TMEM72: variants seen among roughly 807,000 people sequenced by gnomAD.
TMEM72 encodes the protein kidney-specific secretory protein of 37 kDa.
A neutral mutation model predicts 16.3 loss-of-function variants in TMEM72; 9 were observed. The observed-to-expected ratio is 0.55, with a 90% CI of 0.33 to 0.96. TMEM72 has a LOEUF of 0.96. TMEM72 is among the 40% of genes least tolerant of loss of function. The probability of loss-of-function intolerance (pLI) is 0.03; values close to 1 mark genes in which losing one functional copy is unlikely to be tolerated. For missense variants in TMEM72, 324 were observed against 337.8 expected (o/e 0.96, Z 0.32); for synonymous variants, 160 against 146.5 (o/e 1.09, Z -0.66).
chr10:44,913,452 GCACACACACA>G (rs35296531), intron 1 of TMEM72, among the ~76,000 whole-genome samples: 1 of 148,788 alleles, frequency 6.7e-6, no homozygotes, highest in Non-Finnish European at 1.5e-5. Context: ...CCATGTGCAC[GCACACACACA>G]CACACACACA....
intron 1 of TMEM72, among the ~76,000 whole-genome samples, chr10:44,920,747 A>G (rs1840082952): frequency 1.3e-5 from 2 of 152,212 alleles, no homozygotes; most frequent in African/African-American, 4.8e-5. Flanking sequence ...ACTCTCATTT[A>G]CTTAGACTGA....
intron 1 of TMEM72, among the ~76,000 whole-genome samples, chr10:44,917,274 C>T (rs1332313520): frequency 6.6e-6 from 1 of 152,134 alleles, no homozygotes; most frequent in African/African-American, 2.4e-5. Context: ...CACATAGATT[C>T]TCACTCAGCA....
intron 1 of TMEM72, among the ~76,000 whole-genome samples, chr10:44,921,436 C>T (rs759467859): frequency 1.3e-5 from 2 of 152,132 alleles, no homozygotes; most frequent in East Asian, 1.9e-4. Flanking sequence ...ACAGCACAGC[C>T]GGACTGAAGC....
Position 44,935,050 on chromosome 10 carries a change from G to C in TMEM72, c.744G>C (p.Glu248Asp), listed in dbSNP as rs920366417. Residue 248 changes from glutamate to aspartate, a missense_variant, in exon 5 of 5, where the codon GAG becomes GAC. Glu to Asp is a conservative substitution (Grantham distance 45). Coordinates refer to ENST00000389583, the MANE Select transcript of TMEM72 (RefSeq NM_001123376.3). Reference protein sequence around the residue: ...GLDDGDSEPEETTSDTTPIIP... With the variant: ...GLDDGDSEPEDTTSDTTPIIP... ...ATGATGGGGACAGTGAGCCAGAGGA[G>C]ACCACCTCTGACACGACACCCATCA... 6 of 1,613,786 alleles carry C rather than the reference G, an allele frequency of 3.7e-6. No individual in the cohort carries two copies. In the African/African-American group the frequency reaches 8.0e-5, roughly 22 times the overall value.
chr10:44,934,696 G>C lies in TMEM72; in HGVS notation c.390G>C (p.Leu130=), dbSNP rs1279576923. The change falls in exon 5 of 5, where the codon CTG becomes CTC. Residue 130 remains leucine, a synonymous_variant. Coordinates refer to ENST00000389583, the MANE Select transcript of TMEM72 (RefSeq NM_001123376.3). ...LIITGLAYFL[L]SKRKKRKAAP... is the part of the protein sequence containing the mutation. Reference sequence around the variant, plus strand: ...TCACCGGCCTGGCCTACTTCCTTCTGAGCAAGCGGAAGAAGAGGAAAGCTG... The same window carrying C: ...TCACCGGCCTGGCCTACTTCCTTCTCAGCAAGCGGAAGAAGAGGAAAGCTG... 2 of 1,606,466 alleles carry C rather than the reference G, an allele frequency of 1.2e-6. No homozygotes were observed. Among genetic ancestry groups the C allele is most frequent in the African/African-American group, 2.7e-5 (2 of 74,486 alleles).
chr10:44,918,116 A>G (rs928246272), intron 1 of TMEM72, among the ~76,000 whole-genome samples: 8 of 152,090 alleles, frequency 5.3e-5, no homozygotes, highest in Admixed American at 3.3e-4. Context: ...TTTTAAAACC[A>G]TCAGATCTCT....
At chr10:44,916,227 G>A (rs1056845827) in intron 1 of TMEM72, among the ~76,000 whole-genome samples, 1 of 152,152 alleles carries the variant, frequency 6.6e-6, no homozygotes, top group African/African-American at 2.4e-5. Context: ...AGTGAACTCT[G>A]CTTGTCAGGC....
intron 4 of TMEM72, 116 bp from the exon 5 acceptor site, chr10:44,934,540 C>T (rs556656476): frequency 1.9e-5 from 20 of 1,029,110 alleles, no homozygotes; most frequent in East Asian, 2.5e-5. Flanking sequence ...GCCACAGGGG[C>T]CTGTGAATGG....
intron 4 of TMEM72, among the ~76,000 whole-genome samples, chr10:44,934,338 C>T (rs1191165922): frequency 1.3e-5 from 2 of 152,232 alleles, no homozygotes; most frequent in Non-Finnish European, 2.9e-5. Flanking sequence ...CTCCTCTCTG[C>T]TCCCTATCTG....
chr10:44,916,756 C>G (rs1320075334), intron 1 of TMEM72, among the ~76,000 whole-genome samples: 1 of 152,114 alleles, frequency 6.6e-6, no homozygotes, highest in Non-Finnish European at 1.5e-5. Flanking sequence ...TCCCTCTGTT[C>G]CCCCCACCTA....
intron 1 of TMEM72, among the ~76,000 whole-genome samples, chr10:44,913,528 C>T (rs551104247): frequency 4.6e-5 from 7 of 152,254 alleles, no homozygotes; most frequent in South Asian, 4.1e-4. Context: ...CCTTTATCTC[C>T]GCACAGGGAC....
In TMEM72 at chr10:44,935,591, C is replaced by G. The variant is rs1362380925; in HGVS notation, c.*457C>G. ...AGGGAAGTGTCAGTAACTTAAGCAT[C>G]TCTAAGGCAGAGAAGGTGGCTGTGG... is the stretch of plus-strand genomic sequence containing the variant. On this transcript the variant is annotated 3_prime_UTR_variant, in exon 5 of 5. Coordinates refer to ENST00000389583, the MANE Select transcript of TMEM72 (RefSeq NM_001123376.3). The G allele has an allele frequency of 6.4e-6, 1 of 155,630 alleles. No individual in the cohort carries two copies. Among genetic ancestry groups the G allele is most frequent in the Admixed American group, 6.5e-5 (1 of 15,386 alleles). 9.6% of individuals were successfully genotyped at this position (155,630 alleles called of 1,614,324 possible). A position where few individuals can be genotyped will look rare whatever the true frequency, so the allele number is the denominator to read the frequency against.
intron 2 of TMEM72, among the ~76,000 whole-genome samples, chr10:44,929,686 C>T (rs902937974): frequency 1.3e-5 from 2 of 152,264 alleles, no homozygotes; most frequent in African/African-American, 4.8e-5. Context: ...TGGTCCACAC[C>T]CTGTGCCATA....
rs1438273514 is a variant in TMEM72 at position 44,935,088 on chromosome 10, A to G, written c.782A>G (p.Gln261Arg). ...ACGACACCCATCATTCCCCCTCCCC[A>G]GGCCCCACTCTTCCTGTCATCTCTT... is the stretch of plus-strand genomic sequence containing the variant. The part of the protein sequence containing the change: ...SDTTPIIPPP[Q>R]APLFLSSLTA... The change falls in exon 5 of 5, where the codon CAG (glutamine) becomes CGG (arginine). Residue 261 changes from glutamine (Q) to arginine (R), a missense_variant. Physicochemically the swap from Gln to Arg is conservative, Grantham distance 43. Coordinates refer to ENST00000389583, the MANE Select transcript of TMEM72 (RefSeq NM_001123376.3). 1.2e-6 allele frequency: 2 copies of G among 1,610,502 alleles called. No individual in the cohort carries two copies. The highest frequency in any genetic ancestry group is 2.2e-5 in the East Asian group (1 of 44,822).
intron 1 of TMEM72, among the ~76,000 whole-genome samples, chr10:44,916,867 T>G (rs1361879750): frequency 6.6e-6 from 1 of 152,172 alleles, no homozygotes; most frequent in Non-Finnish European, 1.5e-5. Flanking sequence ...GAAACTTCAA[T>G]TAGGTTTCAT....
intron 1 of TMEM72, among the ~76,000 whole-genome samples, chr10:44,922,644 A>C (rs1743444380): frequency 6.6e-6 from 1 of 152,162 alleles, no homozygotes. Flanking sequence ...TTCTACTGGG[A>C]ATGTTTGCAA....
rs1251198166 is a variant in TMEM72, at chr10:44,918,836, GCC to G, written c.70+7256_70+7257del. On this transcript the variant is annotated intron_variant, in intron 1 of 4. Transcript: ENST00000389583. ...AAAGAGACCTGAGAGAGCTCCCTAG[GCC>G]CTTCTATCATACAATGTGCGGTAAC... is the stretch of plus-strand genomic sequence containing the variant. 2.0e-5 allele frequency among the ~76,000 whole-genome samples: 3 copies of G among 152,046 alleles called. 1 individual carries two copies. Among genetic ancestry groups the G allele is most frequent in the African/African-American group, 7.3e-5 (3 of 41,372 alleles).
At chr10:44,913,484 G>A (rs865876641) in intron 1 of TMEM72, among the ~76,000 whole-genome samples, 4 of 151,648 alleles carry the variant, frequency 2.6e-5, no homozygotes, top group South Asian at 2.1e-4. Flanking sequence ...ACACAAACCC[G>A]TGCGCGCGCA....
Position 44,924,864 on chromosome 10 carries a change from G to T in TMEM72, c.71-3057G>T, listed in dbSNP as rs543853007. On this transcript the variant is annotated intron_variant, in intron 1 of 4. Transcript: ENST00000389583. Reference sequence around the variant, plus strand: ...AGTCTCGGCAGGCAGAATCCTGCTGGCTATGGTTGGAGGGAGCTTGTGGGA... The same window carrying T: ...AGTCTCGGCAGGCAGAATCCTGCTGTCTATGGTTGGAGGGAGCTTGTGGGA... 3.5e-3 allele frequency among the ~76,000 whole-genome samples: 533 copies of T among 152,364 alleles called. 3 individuals are homozygous for T. The highest frequency in any genetic ancestry group is 0.012 in the African/African-American group (506 of 41,588).
Sources: gnomAD v4.1 joint callset for allele counts (sites outside exome capture counted in the v4.1 genomes callset) on GRCh38, gnomAD v4.1.1 for gene constraint, MANE v1.5 for transcripts, NCBI Gene and HGNC (gene_info 2026-07-23, HGNC 2026-07-21) for gene names.